Variants in HIRA observed in about 807,000 individuals in gnomAD.
HIRA encodes histone cell cycle regulator, also known as protein HIRA.
Under a neutral mutation model 126.6 loss-of-function variants are expected in HIRA, and 13 were observed. That is an observed-to-expected ratio of 0.10 (90% CI 0.07 to 0.16). The LOEUF (loss-of-function observed/expected upper bound fraction) is 0.16. HIRA is among the 10% of genes least tolerant of loss of function. HIRA has a pLI of 1.00. For missense variants in HIRA, 834 were observed against 1,314.4 expected, an observed-to-expected ratio of 0.63 and a Z score of 5.65; for synonymous variants, 511 against 520.0, an observed-to-expected ratio of 0.98 and a Z score of 0.24.
rs567696546 is a variant in HIRA at position 19,353,051 on chromosome 22, G to C, written c.2848+305C>G. Reference sequence around the variant, plus strand: ...AGCAGCACTGCCAAGTTGTGGTGCAGGGCAGGAGCCAGAACATAGAATCTG... The same window carrying C: ...AGCAGCACTGCCAAGTTGTGGTGCACGGCAGGAGCCAGAACATAGAATCTG... On this transcript the variant is annotated intron_variant, in intron 23 of 24. Coordinates refer to ENST00000263208, the MANE Select transcript of HIRA (RefSeq NM_003325.4). Among the ~76,000 whole-genome samples, 6 of 152,370 alleles carry C rather than the reference G, an allele frequency of 3.9e-5. No individual in the cohort carries two copies. In the East Asian group the frequency reaches 9.6e-4, roughly 24 times the overall value.
rs375627607 is a variant in HIRA, at chr22:19,357,065, G to A, written c.2235-14C>T. The A allele has an allele frequency of 3.7e-6, 6 of 1,613,608 alleles. 1 individual carries two copies. The South Asian group carries it at 6.6e-5, about 18-fold the overall frequency. On this transcript the variant is annotated splice_polypyrimidine_tract_variant and intron_variant, in intron 18 of 24. Transcript: ENST00000263208. ...CACACCACGTCACTGAGAAGGCAGA[G>A]TGGGGGCAGGTGTCATGGGGGCTGA...
At position 19,351,173 on chromosome 22, in the gene HIRA, C is replaced by A. The variant is rs2088753423; in HGVS notation, c.2937+185G>T. Reference sequence around the variant, plus strand: ...ACTCCGTGGCTCCTGATGTCCAGGGCCCAGCTCCTGCCAGGTTGTGGAGGG... The same window carrying A: ...ACTCCGTGGCTCCTGATGTCCAGGGACCAGCTCCTGCCAGGTTGTGGAGGG... On this transcript the variant is annotated intron_variant, in intron 24 of 24. Transcript: ENST00000263208. This position sits in a 1 kb window ranked among gnomAD's most constrained non-coding sequence, Gnocchi z 4.8. The A allele has an allele frequency of 6.1e-6, 6 of 985,376 alleles. No individual in the cohort carries two copies. The South Asian group carries it at 2.8e-4, about 46-fold the overall frequency. 61.0% of individuals were successfully genotyped at this position (985,376 alleles called of 1,614,324 possible). A position where few individuals can be genotyped will look rare whatever the true frequency, so the allele number is the denominator to read the frequency against.
chr22:19,384,359 G>GAAA (rs2146216898), intron 12 of HIRA, among the ~76,000 whole-genome samples: 1 of 151,360 alleles, frequency 6.6e-6, no homozygotes, highest in East Asian at 1.9e-4. Context: ...ATATCATGCG[G>GAAA]TATTTGTCCT....
intron 15 of HIRA, among the ~76,000 whole-genome samples, chr22:19,362,807 C>T (rs920170346): frequency 1.3e-4 from 19 of 151,712 alleles, no homozygotes; most frequent in Middle Eastern, 3.2e-3. Context: ...GTGACCTACC[C>T]GCCTCAGCCT....
At chr22:19,406,099 C>A (rs959917064) in intron 4 of HIRA, among the ~76,000 whole-genome samples, 3 of 152,068 alleles carry the variant, frequency 2.0e-5, no homozygotes, top group Admixed American at 1.3e-4. Flanking sequence ...CATGGGAAAA[C>A]GTTCACAATA....
intron 1 of HIRA, among the ~76,000 whole-genome samples, chr22:19,419,318 G>A (rs568537282): frequency 1.1e-3 from 163 of 152,124 alleles, no homozygotes; most frequent in Non-Finnish European, 1.6e-3. Flanking sequence ...CCGCCCCCAC[G>A]ACTTTTCTGA....
intron 1 of HIRA, among the ~76,000 whole-genome samples, chr22:19,421,376 C>CT (rs1237027458): frequency 6.6e-6 from 1 of 151,688 alleles, no homozygotes; most frequent in East Asian, 1.9e-4. Context: ...GTAAGGGAGG[C>CT]TACACACCAA....
At chr22:19,383,590 T>A in intron 13 of HIRA, 30 bp downstream of exon 13, 1 of 1,562,212 alleles carries the variant, frequency 6.4e-7, no homozygotes, top group Non-Finnish European at 8.8e-7. Context: ...TCTCGCCAGA[T>A]AAGACCATGA....
At chr22:19,371,499 C>T (rs5748159) in intron 15 of HIRA, among the ~76,000 whole-genome samples, 20,917 of 151,886 alleles carry the variant, frequency 0.14, 2,804 homozygotes, top group African/African-American at 0.35. Context: ...TCATAAACTT[C>T]GCCACTTTAA....
chr22:19,414,769 C>T (rs950273434), intron 1 of HIRA, among the ~76,000 whole-genome samples: 2 of 152,184 alleles, frequency 1.3e-5, no homozygotes, highest in African/African-American at 4.8e-5. Context: ...CGCCGGTAAT[C>T]CCAGCACTTT....
chr22:19,331,208 C>G lies in HIRA; in HGVS notation c.*232G>C. On this transcript the variant is annotated 3_prime_UTR_variant, in exon 25 of 25. Transcript: ENST00000263208. ...CCTGGGCAGAGCTCCAGCCCTAGCT[C>G]CGCATCGGGGGCTTGGAGGGAGGGA... The G allele has an allele frequency of 1.4e-6, 2 of 1,446,188 alleles. No individual in the cohort carries two copies. Among genetic ancestry groups the G allele is most frequent in the Non-Finnish European group, 1.8e-6 (2 of 1,089,644 alleles). The allele number at this position is 1,446,188 out of a possible 1,614,324, so 89.6% of individuals were successfully genotyped here.
intron 24 of HIRA, 21 bp from the exon 25 acceptor site, chr22:19,331,577 C>T: frequency 1.3e-6 from 2 of 1,571,670 alleles, no homozygotes; most frequent in Non-Finnish European, 1.7e-6. Flanking sequence ...AGAGTGACAG[C>T]TGAGTGCAAG....
chr22:19,414,258 C>T (rs2089377403), intron 1 of HIRA, among the ~76,000 whole-genome samples: 2 of 152,142 alleles, frequency 1.3e-5, no homozygotes, highest in South Asian at 4.1e-4. Flanking sequence ...TTCCACCTGG[C>T]AGGGAATAAA....
Position 19,361,339 on chromosome 22 carries a change from A to G in HIRA, c.1983T>C (p.Ser661=). The change falls in exon 17 of 25, where the codon TCT becomes TCC. Residue 661 remains serine, a splice_region_variant and synonymous_variant. Transcript: ENST00000263208. ...RLMPVSLSVQ[S]PAALTAEKEA... ...CCTTCTCTGCGGTTAGGGCAGCTGG[A>G]GACTGGAAGAGCCAGAAACGTTCCT... 6.2e-7 allele frequency: 1 copy of G among 1,613,916 alleles called. No individual in the cohort carries two copies. Among genetic ancestry groups the G allele is most frequent in the Non-Finnish European group, 8.5e-7 (1 of 1,179,760 alleles).
chr22:19,419,551 C>T (rs992986714), intron 1 of HIRA, among the ~76,000 whole-genome samples: 35 of 152,320 alleles, frequency 2.3e-4, no homozygotes, highest in Non-Finnish European at 2.9e-4. Context: ...TTTATTTCCT[C>T]GGGAATTTCT....
At chr22:19,407,999 A>C (rs958890200) in intron 3 of HIRA, among the ~76,000 whole-genome samples, 1 of 152,162 alleles carries the variant, frequency 6.6e-6, no homozygotes, top group Non-Finnish European at 1.5e-5. Flanking sequence ...AGAGGAAAGG[A>C]AGGAGCTGAT....
At chr22:19,350,959 G>A (rs1184463523) in intron 24 of HIRA, 4 of 191,620 alleles carry the variant, frequency 2.1e-5, no homozygotes, top group Non-Finnish European at 3.8e-5. Flanking sequence ...TGAAGACCCT[G>A]CTTACTTCCT....
intron 12 of HIRA, 76 bp downstream of exon 12, chr22:19,385,442 TACC>T: frequency 7.2e-7 from 1 of 1,389,850 alleles, no homozygotes. Context: ...ACCCCTTCCT[TACC>T]ACCACTGGTG....
chr22:19,418,146 G>A (rs1253304311), intron 1 of HIRA, among the ~76,000 whole-genome samples: 3 of 152,108 alleles, frequency 2.0e-5, no homozygotes, highest in Non-Finnish European at 2.9e-5. Flanking sequence ...AAAATGTTCC[G>A]GAGACTGGCT....
Sources: allele counts gnomAD v4.1 joint callset (sites outside exome capture counted in the v4.1 genomes callset), GRCh38; gene constraint gnomAD v4.1.1; non-coding constraint Gnocchi (gnomAD v3.1); transcripts MANE v1.5; gene names NCBI Gene and HGNC (gene_info 2026-07-23, HGNC 2026-07-21).